PEX7: variants seen among roughly 807,000 people sequenced by gnomAD.
PEX7 encodes peroxisomal biogenesis factor 7, also known as PTS2 receptor.
A neutral mutation model predicts 47.5 loss-of-function variants in PEX7; 34 were observed. That is an observed-to-expected ratio of 0.72 (90% CI 0.54 to 0.95). PEX7 has a LOEUF of 0.95. Among genes scored for constraint, PEX7 ranks in the 40% least tolerant of loss-of-function variants. The probability of loss-of-function intolerance (pLI) is 0.00; values close to 1 mark genes in which losing one functional copy is unlikely to be tolerated. For missense variants in PEX7, 394 were observed against 400.3 expected, an observed-to-expected ratio of 0.98 and a Z score of 0.13; for synonymous variants, 141 against 148.8, an observed-to-expected ratio of 0.95 and a Z score of 0.38.
chr6:136,912,516 G>A lies in PEX7; in HGVS notation c.904-942G>A, dbSNP rs1381644971. 2.6e-5 allele frequency among the ~76,000 whole-genome samples: 4 copies of A among 152,120 alleles called. No homozygotes were observed. The South Asian group carries it at 8.3e-4, about 32-fold the overall frequency. On this transcript the variant is annotated intron_variant, in intron 9 of 9. Transcript: ENST00000318471. ...GCTCTTTAATTGTTTTGGTACCTTT[G>A]TTGAAAGCCATTTGTCCAAGTGTGG...
chr6:136,896,523 A>G (rs1245658858), intron 8 of PEX7, among the ~76,000 whole-genome samples: 1 of 152,142 alleles, frequency 6.6e-6, no homozygotes, highest in Non-Finnish European at 1.5e-5. Context: ...TTCCAGGAGC[A>G]GTTTGGTTGT....
intron 9 of PEX7, among the ~76,000 whole-genome samples, chr6:136,899,337 G>A (rs139894530): frequency 7.7e-4 from 117 of 152,098 alleles, no homozygotes; most frequent in Non-Finnish European, 1.5e-3. Flanking sequence ...TCGCCTCCCG[G>A]ATTCAAGTGA....
Position 136,903,212 on chromosome 6 carries a change from C to T in PEX7, c.903+4971C>T, listed in dbSNP as rs540178436. The stretch of plus-strand genomic sequence containing the variant: ...CTATCCACGTTGAGATACAGAACAT[C>T]GCTTGCATTCCAGAAGCCTCTTCCC... On this transcript the variant is annotated intron_variant, in intron 9 of 9. Coordinates refer to ENST00000318471, the MANE Select transcript of PEX7 (RefSeq NM_000288.4). Among the ~76,000 whole-genome samples the T allele has an allele frequency of 5.3e-5, 8 of 152,294 alleles. No individual in the cohort carries two copies. The East Asian group carries it at 7.7e-4, about 15-fold the overall frequency.
chr6:136,861,698 G>A (rs1313860059), intron 5 of PEX7, among the ~76,000 whole-genome samples: 1 of 151,362 alleles, frequency 6.6e-6, no homozygotes, highest in Non-Finnish European at 1.5e-5. Context: ...TTAGATCTTT[G>A]TGAAATTTGT....
At chr6:136,843,414 G>T (rs1420937637) in intron 3 of PEX7, among the ~76,000 whole-genome samples, 2 of 152,210 alleles carry the variant, frequency 1.3e-5, no homozygotes. Context: ...AATCTGGCCT[G>T]CAGTTAGATT....
chr6:136,909,574 A>C (rs1775900709), intron 9 of PEX7, among the ~76,000 whole-genome samples: 1 of 152,178 alleles, frequency 6.6e-6, no homozygotes, highest in Non-Finnish European at 1.5e-5. Flanking sequence ...CCTCTTTGTT[A>C]GTTAGTAAAG....
intron 9 of PEX7, 78 bp from the exon 10 acceptor site, chr6:136,913,380 T>C (rs1775962860): frequency 2.1e-6 from 2 of 939,906 alleles, no homozygotes; most frequent in African/African-American, 1.6e-5. Context: ...ACACTCTAAA[T>C]GACTTGAGTT....
intron 3 of PEX7, among the ~76,000 whole-genome samples, chr6:136,843,435 G>GT (rs910090273): frequency 1.4e-4 from 21 of 152,216 alleles, no homozygotes; most frequent in Non-Finnish European, 2.6e-4. Context: ...TACAAATAAA[G>GT]TTTTTTTGGA....
chr6:136,829,964 G>A (rs1352323264), intron 3 of PEX7: 1 of 693,214 alleles, frequency 1.4e-6, no homozygotes, highest in Non-Finnish European at 2.6e-6. Flanking sequence ...AAAAAAAGTT[G>A]ATAATGAACA....
chr6:136,895,587 G>A (rs185643722), intron 8 of PEX7, among the ~76,000 whole-genome samples: 2 of 152,094 alleles, frequency 1.3e-5, no homozygotes, highest in Non-Finnish European at 2.9e-5. Flanking sequence ...CCTCACTAAT[G>A]CTTTAATGAA....
Position 136,845,675 on chromosome 6 carries a change from G to A in PEX7, c.400G>A (p.Asp134Asn), listed in dbSNP as rs764346452. The A allele has an allele frequency of 3.1e-6, 5 of 1,604,564 alleles. No individual in the cohort carries two copies. The highest frequency in any genetic ancestry group is 1.1e-5 in the South Asian group (1 of 90,888). ...GEQLVVSGSW[D>N]QTVKLWDPTV... Reference sequence around the variant, plus strand: ...ACAGCTTGTGGTGTCTGGCTCATGGGATCAAACTGTCAAATTGGTATGTTA... The same window carrying A: ...ACAGCTTGTGGTGTCTGGCTCATGGAATCAAACTGTCAAATTGGTATGTTA... The change falls in exon 4 of 10, where the codon GAT becomes AAT. Residue 134 changes from aspartate to asparagine, a missense_variant. Physicochemically the swap from Asp to Asn is conservative, Grantham distance 23 (BLOSUM62 1). Transcript: ENST00000318471.
intron 8 of PEX7, among the ~76,000 whole-genome samples, chr6:136,882,556 A>ATAATAC (rs1379682141): frequency 1.1e-4 from 17 of 151,596 alleles, no homozygotes; most frequent in African/African-American, 3.6e-4. Flanking sequence ...TAAAATAATA[A>ATAATAC]TAATAATAAT....
chr6:136,901,831 G>A (rs1319117647), intron 9 of PEX7, among the ~76,000 whole-genome samples: 1 of 152,218 alleles, frequency 6.6e-6, no homozygotes, highest in East Asian at 1.9e-4. Flanking sequence ...TGTTGCCCAG[G>A]CTGGAGTGCA....
chr6:136,863,660 C>T lies in PEX7; in HGVS notation c.527-2967C>T, dbSNP rs1429648472. Among the ~76,000 whole-genome samples, 5 of 152,232 alleles carry T rather than the reference C, an allele frequency of 3.3e-5. No individual in the cohort carries two copies. In the South Asian group the frequency reaches 8.3e-4, roughly 25 times the overall value. On this transcript the variant is annotated intron_variant, in intron 5 of 9. Transcript: ENST00000318471. Reference sequence around the variant, plus strand: ...CAGTGGCTCACACCTGTAATCCCCTCACTTTGGGAGGCTGAGGCAGGTGGA... The same window carrying T: ...CAGTGGCTCACACCTGTAATCCCCTTACTTTGGGAGGCTGAGGCAGGTGGA...
At chr6:136,829,274 A>G (rs1490829964) in intron 3 of PEX7, among the ~76,000 whole-genome samples, 1 of 152,196 alleles carries the variant, frequency 6.6e-6, no homozygotes, top group African/African-American at 2.4e-5. Context: ...ATTTCTTACT[A>G]TTCTGGAGGT....
chr6:136,824,507 A>G (rs1391896018), intron 1 of PEX7, among the ~76,000 whole-genome samples: 2 of 152,166 alleles, frequency 1.3e-5, no homozygotes, highest in East Asian at 3.8e-4. Flanking sequence ...CTGGCCTGTA[A>G]TGCTACTTAA....
At chr6:136,905,632 C>G (rs1342219984) in intron 9 of PEX7, among the ~76,000 whole-genome samples, 2 of 152,154 alleles carry the variant, frequency 1.3e-5, no homozygotes, top group African/African-American at 4.8e-5. Flanking sequence ...CCTCTTCTTC[C>G]TTACCTCTTT....
At chr6:136,857,945 C>T (rs1478345317) in intron 5 of PEX7, among the ~76,000 whole-genome samples, 1 of 152,168 alleles carries the variant, frequency 6.6e-6, no homozygotes, top group Admixed American at 6.5e-5. Context: ...CCTCAGCCTA[C>T]TAGCTAGGGC....
At chr6:136,837,339 G>A (rs1164787977) in intron 3 of PEX7, among the ~76,000 whole-genome samples, 3 of 110,684 alleles carry the variant, frequency 2.7e-5, no homozygotes, top group Admixed American at 1.3e-4. Flanking sequence ...TCCAGCCTGG[G>A]CGACAGAGTG....
Sources: allele counts gnomAD v4.1 joint callset (sites outside exome capture counted in the v4.1 genomes callset), GRCh38; gene constraint gnomAD v4.1.1; transcripts MANE v1.5; gene names NCBI Gene and HGNC (gene_info 2026-07-23, HGNC 2026-07-21).